Variants in CDH13 observed in about 807,000 individuals in gnomAD.
CDH13 encodes cadherin 13, also known as cadherin-13.
A neutral mutation model predicts 63.8 loss-of-function variants in CDH13; 24 were observed. That is an observed-to-expected ratio of 0.38 (90% confidence interval 0.27 to 0.53). The LOEUF (loss-of-function observed/expected upper bound fraction) is 0.53, where lower values mean the gene tolerates loss of function less well. CDH13 is among the 20% of genes least tolerant of loss of function. The pLI is 0.85. For synonymous variants in CDH13, 503 were observed against 355.3 expected, an observed-to-expected ratio of 1.42 and a Z score of -4.67; for missense variants, 1,049 against 903.1, an observed-to-expected ratio of 1.16 and a Z score of -2.07.
chr16:83,232,520 T>C (rs1052793414), intron 5 of CDH13, among the ~76,000 whole-genome samples: 1 of 145,730 alleles, frequency 6.9e-6, no homozygotes, highest in Non-Finnish European at 1.5e-5. Flanking sequence ...CAGGACTCTG[T>C]CTCAAAAAAC....
At chr16:83,482,602 A>G (rs2073796780) in intron 6 of CDH13, among the ~76,000 whole-genome samples, 1 of 152,240 alleles carries the variant, frequency 6.6e-6, no homozygotes, top group Admixed American at 6.5e-5. Context: ...ACACAGAAGT[A>G]AGGAAACCAT....
intron 6 of CDH13, among the ~76,000 whole-genome samples, chr16:83,434,845 ATATGTGTGTGCGTGTG>A (rs1218449323): frequency 3.7e-5 from 3 of 80,780 alleles, no homozygotes; most frequent in African/African-American, 8.1e-5. Context: ...AAATATATAT[ATATGTGTGTGCGTGTG>A]TGTGTGTGTG....
chr16:83,631,876 A>G (rs545960229), intron 8 of CDH13, among the ~76,000 whole-genome samples: 136 of 152,290 alleles, frequency 8.9e-4, no homozygotes, highest in African/African-American at 3.0e-3. Context: ...CAAACCACGC[A>G]TCAAGGTCAT....
chr16:83,765,637 T>C (rs866907504), intron 11 of CDH13, among the ~76,000 whole-genome samples: 5 of 152,222 alleles, frequency 3.3e-5, no homozygotes, highest in Middle Eastern at 3.4e-3. Context: ...ATAAAACTGA[T>C]CTTAAGTTTA....
At chr16:82,681,672 G>A (rs1914564042) in intron 1 of CDH13, among the ~76,000 whole-genome samples, 1 of 152,150 alleles carries the variant, frequency 6.6e-6, no homozygotes, top group Non-Finnish European at 1.5e-5. Context: ...TCACCTTTCT[G>A]CCAGCTCAGC....
intron 3 of CDH13, among the ~76,000 whole-genome samples, chr16:83,038,047 G>A (rs907838630): frequency 2.6e-5 from 4 of 152,194 alleles, no homozygotes; most frequent in Non-Finnish European, 5.9e-5. Context: ...CCAATGAAAA[G>A]AAAGGGAAGG....
At chr16:82,873,491 T>G (rs7184056) in intron 2 of CDH13, among the ~76,000 whole-genome samples, 114,645 of 151,978 alleles carry the variant, frequency 0.75, 43,540 homozygotes, top group East Asian at 0.88. Flanking sequence ...GGGGTGTCCT[T>G]GATAGTTTCA....
chr16:83,388,125 T>C (rs1322492636), intron 6 of CDH13, among the ~76,000 whole-genome samples: 2 of 151,970 alleles, frequency 1.3e-5, no homozygotes, highest in Non-Finnish European at 2.9e-5. Context: ...TTTTTATTGT[T>C]GTTTGGACTG....
chr16:82,791,403 A>G (rs1193814999), intron 1 of CDH13, among the ~76,000 whole-genome samples: 1 of 152,222 alleles, frequency 6.6e-6, no homozygotes, highest in Admixed American at 6.5e-5. Flanking sequence ...AAGTAGTCAA[A>G]TCATATATCG....
At chr16:83,220,728 A>T (rs1005863259) in intron 5 of CDH13, among the ~76,000 whole-genome samples, 1 of 151,846 alleles carries the variant, frequency 6.6e-6, no homozygotes, top group African/African-American at 2.4e-5. Flanking sequence ...AATAGCGCCA[A>T]TGTTTCTGTT....
chr16:82,852,069 G>C (rs534151918), intron 1 of CDH13, among the ~76,000 whole-genome samples: 65 of 152,216 alleles, frequency 4.3e-4, no homozygotes, highest in Non-Finnish European at 7.8e-4. Flanking sequence ...CCTTCTTGGA[G>C]CTGGTTTAAG....
chr16:83,482,077 T>C (rs567707697), intron 6 of CDH13, among the ~76,000 whole-genome samples: 8 of 152,160 alleles, frequency 5.3e-5, no homozygotes, highest in Non-Finnish European at 1.0e-4. Flanking sequence ...CCAAGGCGCA[T>C]TGAACAGGGA....
At chr16:82,885,531 C>A (rs913574637) in intron 2 of CDH13, among the ~76,000 whole-genome samples, 7 of 150,254 alleles carry the variant, frequency 4.7e-5, no homozygotes, top group Non-Finnish European at 4.4e-5. Context: ...ATCCATCCAT[C>A]CATCCATCCA....
intron 1 of CDH13, among the ~76,000 whole-genome samples, chr16:82,677,367 A>G (rs1399830157): frequency 6.7e-6 from 1 of 149,160 alleles, no homozygotes; most frequent in East Asian, 2.0e-4. Context: ...TACAATTCCC[A>G]TTTATTTATG....
chr16:82,900,224 C>T (rs1406532498), intron 2 of CDH13, among the ~76,000 whole-genome samples: 2 of 152,144 alleles, frequency 1.3e-5, no homozygotes, highest in South Asian at 2.1e-4. Context: ...ACAACAAGCC[C>T]ATGCCTGTCC....
At chr16:82,988,908 C>T (rs1158517124) in intron 2 of CDH13, among the ~76,000 whole-genome samples, 1 of 152,044 alleles carries the variant, frequency 6.6e-6, no homozygotes, top group Non-Finnish European at 1.5e-5. Context: ...CAGAACATTC[C>T]AAGTGAGACT....
chr16:82,659,518 A>G (rs1205937826), intron 1 of CDH13, among the ~76,000 whole-genome samples: 1 of 152,214 alleles, frequency 6.6e-6, no homozygotes, highest in African/African-American at 2.4e-5. Flanking sequence ...GTAAAACCAT[A>G]AATAACAGAA....
At chr16:82,972,035 T>C (rs1049363290) in intron 2 of CDH13, among the ~76,000 whole-genome samples, 1 of 152,216 alleles carries the variant, frequency 6.6e-6, no homozygotes, top group Non-Finnish European at 1.5e-5. Context: ...CACAGCGACT[T>C]GCACAGATGT....
intron 6 of CDH13, among the ~76,000 whole-genome samples, chr16:83,472,592 G>A (rs1488436377): frequency 6.6e-6 from 1 of 152,186 alleles, no homozygotes; most frequent in Non-Finnish European, 1.5e-5. Flanking sequence ...GTGTCCATTG[G>A]CCCTTGGGGT....
Sources: gnomAD v4.1 joint callset for allele counts (sites outside exome capture counted in the v4.1 genomes callset) on GRCh38, gnomAD v4.1.1 for gene constraint, MANE v1.5 for transcripts, NCBI Gene and HGNC (gene_info 2026-07-23, HGNC 2026-07-21) for gene names.